ZFPM2: variants seen among roughly 807,000 people sequenced by gnomAD.
ZFPM2 encodes the protein zinc finger protein, FOG family member 2, also known as zinc finger protein ZFPM2.
Under a neutral mutation model 98.6 loss-of-function variants are expected in ZFPM2, and 20 were observed. The observed-to-expected ratio is 0.20, with a 90% CI of 0.14 to 0.29. ZFPM2 has a LOEUF of 0.29. Ranked by LOEUF, ZFPM2 falls within the 10% of genes least tolerant of loss-of-function variation. The pLI, the probability that ZFPM2 is intolerant of heterozygous loss-of-function variation, is 1.00. For missense variants in ZFPM2, 1,310 were observed against 1,388.6 expected (o/e 0.94, Z 0.90); for synonymous variants, 518 against 502.7 (o/e 1.03, Z -0.41).
intron 1 of ZFPM2, among the ~76,000 whole-genome samples, chr8:105,334,118 C>CTGTGTGTGTGTGTGTGTGTGTGTG (rs71305145): frequency 8.3e-6 from 1 of 120,402 alleles, no homozygotes; most frequent in African/African-American, 3.5e-5. Context: ...TAGTAATAAA[C>CTGTGTGTGTGTGTGTGTGTGTGTG]TGTGTGTGTG....
At chr8:105,466,797 A>T (rs1207149152) in intron 3 of ZFPM2, among the ~76,000 whole-genome samples, 2 of 151,742 alleles carry the variant, frequency 1.3e-5, no homozygotes, top group Admixed American at 6.6e-5. Flanking sequence ...AATTTTGAGG[A>T]AGTTTTTTGT....
At chr8:105,471,324 T>A (rs75899638) in intron 3 of ZFPM2, among the ~76,000 whole-genome samples, 2,969 of 152,324 alleles carry the variant, frequency 0.019, 95 homozygotes, top group African/African-American at 0.068. Context: ...TTGTAGCTTA[T>A]GTTGCTCACT....
chr8:105,457,946 A>G (rs1208412671), intron 3 of ZFPM2, among the ~76,000 whole-genome samples: 1 of 152,194 alleles, frequency 6.6e-6, no homozygotes, highest in Admixed American at 6.5e-5. Context: ...ACATCTACCA[A>G]CTATATAAAG....
chr8:105,626,620 G>A (rs1233349244), intron 4 of ZFPM2, among the ~76,000 whole-genome samples: 18 of 152,198 alleles, frequency 1.2e-4, no homozygotes, highest in African/African-American at 4.3e-4. Context: ...GTGTGTATGT[G>A]TATGTGTGTT....
rs1335458349 is a variant in ZFPM2 at position 105,798,899 on chromosome 8, G to A, written c.915G>A (p.Lys305=). The A allele has an allele frequency of 6.2e-7, 1 of 1,613,926 alleles. No individual in the cohort carries two copies. The highest frequency in any genetic ancestry group is 8.5e-7 in the Non-Finnish European group (1 of 1,179,854). The change falls in exon 7 of 8, where the codon AAG becomes AAA. Residue 305 remains lysine (K), a synonymous_variant. Transcript: ENST00000407775. ...TGTGCCCCTTCCCACAGTGCACCAA[G>A]AGCTTTTCAAATGCTCGAGCTCTAG... ...SSLCPFPQCT[K]SFSNARALEM... is the part of the protein sequence containing the mutation.
chr8:105,487,665 C>T (rs1326002248), intron 3 of ZFPM2, among the ~76,000 whole-genome samples: 1 of 151,884 alleles, frequency 6.6e-6, no homozygotes, highest in South Asian at 2.1e-4. Flanking sequence ...CCAGATATTA[C>T]CAAGCTCTGC....
chr8:105,655,732 G>T (rs1427457005), intron 5 of ZFPM2, among the ~76,000 whole-genome samples: 1 of 152,134 alleles, frequency 6.6e-6, no homozygotes, highest in Non-Finnish European at 1.5e-5. Context: ...GGAAGAGGAA[G>T]TCCACCTACA....
intron 5 of ZFPM2, among the ~76,000 whole-genome samples, chr8:105,656,966 C>CT (rs1817297962): frequency 6.6e-6 from 1 of 151,956 alleles, no homozygotes; most frequent in South Asian, 2.1e-4. Context: ...TAAATGCATG[C>CT]TTTGGTTTCT....
chr8:105,537,622 C>A (rs2130614327), intron 3 of ZFPM2, among the ~76,000 whole-genome samples: 1 of 152,232 alleles, frequency 6.6e-6, no homozygotes, highest in East Asian at 1.9e-4. Flanking sequence ...TTTGAGGCTG[C>A]ACTGAGCTAT....
chr8:105,347,319 C>T (rs1473342383), intron 1 of ZFPM2, among the ~76,000 whole-genome samples: 1 of 151,888 alleles, frequency 6.6e-6, no homozygotes, highest in Non-Finnish European at 1.5e-5. Flanking sequence ...CAATAAAAAC[C>T]TTATTTTTTT....
chr8:105,593,382 G>A (rs551527661), intron 4 of ZFPM2, among the ~76,000 whole-genome samples: 4 of 151,818 alleles, frequency 2.6e-5, no homozygotes, highest in Admixed American at 6.6e-5. Flanking sequence ...TAATGAAACA[G>A]AAATAGAATT....
chr8:105,463,365 TA>T (rs1282848689), intron 3 of ZFPM2, among the ~76,000 whole-genome samples: 3 of 151,888 alleles, frequency 2.0e-5, no homozygotes, highest in Admixed American at 6.6e-5. Flanking sequence ...ATATAGTTTA[TA>T]AAAATACATT....
intron 1 of ZFPM2, among the ~76,000 whole-genome samples, chr8:105,340,070 G>A (rs1812398659): frequency 1.3e-5 from 2 of 151,828 alleles, no homozygotes; most frequent in Non-Finnish European, 2.9e-5. Context: ...CTCTTATGTG[G>A]AATGCACTGT....
intron 5 of ZFPM2, among the ~76,000 whole-genome samples, chr8:105,720,428 C>T (rs1321961854): frequency 5.3e-5 from 8 of 151,822 alleles, no homozygotes; most frequent in Admixed American, 5.3e-4. Context: ...ATTATTAATT[C>T]TTAGTGTTCA....
intron 5 of ZFPM2, among the ~76,000 whole-genome samples, chr8:105,763,056 C>CTTTTTTTTTTT (rs11453125): frequency 7.0e-6 from 1 of 142,004 alleles, no homozygotes; most frequent in African/African-American, 2.6e-5. Flanking sequence ...GACTTTATTT[C>CTTTTTTTTTTT]TTTCTTTTTT....
intron 5 of ZFPM2, among the ~76,000 whole-genome samples, chr8:105,693,584 C>A (rs1419848091): frequency 6.6e-6 from 1 of 152,088 alleles, no homozygotes; most frequent in Non-Finnish European, 1.5e-5. Flanking sequence ...ATTTCAAAAT[C>A]AAGAATATAC....
intron 4 of ZFPM2, among the ~76,000 whole-genome samples, chr8:105,597,218 C>T (rs1428511848): frequency 6.6e-6 from 1 of 152,002 alleles, no homozygotes; most frequent in East Asian, 1.9e-4. Context: ...AGTAATAAAT[C>T]TTTGAATTGG....
intron 4 of ZFPM2, among the ~76,000 whole-genome samples, chr8:105,601,968 G>A (rs1298497968): frequency 2.6e-5 from 4 of 152,040 alleles, no homozygotes; most frequent in African/African-American, 4.8e-5. Flanking sequence ...CCCTCAGGAC[G>A]CCTTCAACAT....
intron 5 of ZFPM2, among the ~76,000 whole-genome samples, chr8:105,723,157 A>AT (rs199758625): frequency 6.0e-4 from 90 of 148,996 alleles, no homozygotes; most frequent in East Asian, 2.2e-3. Context: ...TCCCCCACCC[A>AT]TTTTTTTTTC....
Sources: gnomAD v4.1 joint callset for allele counts (sites outside exome capture counted in the v4.1 genomes callset) on GRCh38, gnomAD v4.1.1 for gene constraint, MANE v1.5 for transcripts, NCBI Gene and HGNC (gene_info 2026-07-23, HGNC 2026-07-21) for gene names.